The following MTSS1 variants were observed in gnomAD, a reference collection of about 807,000 sequenced individuals.
MTSS1 encodes the protein protein MTSS 1.
MTSS1 carries 18 observed loss-of-function variants against 79.0 expected under a neutral mutation model. That is an observed-to-expected ratio of 0.23 (90% confidence interval 0.16 to 0.34). The LOEUF is 0.34. Among genes scored for constraint, MTSS1 ranks in the 10% least tolerant of loss-of-function variants. The probability of loss-of-function intolerance (pLI) is 1.00; values close to 1 mark genes in which losing one functional copy is unlikely to be tolerated. For synonymous variants in MTSS1, 341 were observed against 368.6 expected (o/e 0.93, Z 0.86); for missense variants, 815 against 986.2 (o/e 0.83, Z 2.33).
At chr8:124,701,389 A>C (rs941649381) in intron 2 of MTSS1, among the ~76,000 whole-genome samples, 7 of 152,232 alleles carry the variant, frequency 4.6e-5, no homozygotes, top group Non-Finnish European at 1.5e-5. Flanking sequence ...CAAACTTCAA[A>C]ATGAGGCCTG....
At chr8:124,691,410 A>T (rs907050685) in intron 3 of MTSS1, among the ~76,000 whole-genome samples, 1 of 152,250 alleles carries the variant, frequency 6.6e-6, no homozygotes, top group Non-Finnish European at 1.5e-5. Flanking sequence ...ACTTTATGTA[A>T]GATTGAGATT....
At chr8:124,616,464 G>A (rs1389515216) in intron 3 of MTSS1, among the ~76,000 whole-genome samples, 2 of 151,632 alleles carry the variant, frequency 1.3e-5, no homozygotes. Context: ...CCCATGGCTA[G>A]ATTATGTGAC....
chr8:124,601,988 A>T lies in MTSS1; in HGVS notation c.209-10753T>A, dbSNP rs764495593. On this transcript the variant is annotated intron_variant, in intron 3 of 13. Transcript: ENST00000518547. ...TTCTAATAAGAGAAGAGGAAGCTCA[A>T]TTCTTAGGCCTGGAAAAGTTCAATC... Among the ~76,000 whole-genome samples, 3 of 151,994 alleles carry T rather than the reference A, an allele frequency of 2.0e-5. 1 individual carries two copies. Among genetic ancestry groups the T allele is most frequent in the Admixed American group, 2.0e-4 (3 of 15,262 alleles).
chr8:124,630,624 G>A (rs80090733), intron 3 of MTSS1, among the ~76,000 whole-genome samples: 6,602 of 152,238 alleles, frequency 0.043, 269 homozygotes, highest in East Asian at 0.16. Flanking sequence ...AGAAACATCC[G>A]GGTACCAGCC....
chr8:124,704,333 T>A (rs558909303), intron 1 of MTSS1, 142 bp from the exon 2 acceptor site: 1 of 736,586 alleles, frequency 1.4e-6, no homozygotes, highest in South Asian at 1.6e-5. Context: ...GTTTCCCGGA[T>A]TCTATATACA....
Position 124,728,015 on chromosome 8 carries a change from C to A in MTSS1, c.-60G>T, listed in dbSNP as rs931978665. On this transcript the variant is annotated 5_prime_UTR_variant, in exon 1 of 14. Coordinates refer to ENST00000518547, the MANE Select transcript of MTSS1 (RefSeq NM_014751.6). The surrounding 1 kb of genome is among the most constrained non-coding windows in gnomAD (Gnocchi z 6.1). ...GGGGCCGCTGGACTGCGCGCGGGGC[C>A]GGGGCTCGCTCACCCCAGAAGGAAT... The A allele has an allele frequency of 1.3e-6, 2 of 1,499,922 alleles. No homozygotes were observed. The highest frequency in any genetic ancestry group is 1.4e-5 in the African/African-American group (1 of 71,676). The allele number at this position is 1,499,922 out of a possible 1,614,324, so 92.9% of individuals were successfully genotyped here.
chr8:124,580,637 G>T lies in MTSS1; in HGVS notation c.460+4450C>A. 2.0e-6 allele frequency: 3 copies of T among 1,490,996 alleles called. No individual in the cohort carries two copies. The South Asian group carries it at 3.6e-5, about 18-fold the overall frequency. 92.4% of individuals were successfully genotyped at this position (1,490,996 alleles called of 1,614,324 possible). ...AAAAGGAAAATAATAAAGTCAAACT[G>T]GTATTCAAGCAGCAGCAGTCTTACC... On this transcript the variant is annotated intron_variant, in intron 6 of 13. Transcript: ENST00000518547.
chr8:124,684,170 A>AG (rs1414458648), intron 3 of MTSS1, among the ~76,000 whole-genome samples: 2 of 152,166 alleles, frequency 1.3e-5, no homozygotes, highest in African/African-American at 4.8e-5. Flanking sequence ...CTTATTTTTT[A>AG]GTGTCTGATA....
chr8:124,594,550 T>C (rs1832423520), intron 3 of MTSS1, among the ~76,000 whole-genome samples: 1 of 150,012 alleles, frequency 6.7e-6, no homozygotes, highest in Admixed American at 6.6e-5. Context: ...ACAAAAGAAA[T>C]AAAGGAAAGG....
At chr8:124,589,069 C>T (rs1460180885) in intron 5 of MTSS1, among the ~76,000 whole-genome samples, 2 of 151,626 alleles carry the variant, frequency 1.3e-5, no homozygotes, top group African/African-American at 2.4e-5. Flanking sequence ...CTCACTCTGT[C>T]GTCCAGGCTG....
intron 1 of MTSS1, among the ~76,000 whole-genome samples, chr8:124,717,582 T>C (rs1053982456): frequency 2.0e-5 from 3 of 148,216 alleles, no homozygotes; most frequent in African/African-American, 7.5e-5. Context: ...GGGGGACAGA[T>C]ACTCGGGAGG....
At chr8:124,719,921 T>C (rs1396328993) in intron 1 of MTSS1, among the ~76,000 whole-genome samples, 1 of 152,168 alleles carries the variant, frequency 6.6e-6, no homozygotes, top group Admixed American at 6.5e-5. Context: ...GGTAAGAAAA[T>C]CAAGGCTCAG....
rs1223990963 is a variant in MTSS1 at position 124,582,627 on chromosome 8, A to C, written c.460+2460T>G. Among the ~76,000 whole-genome samples the C allele has an allele frequency of 1.3e-5, 2 of 152,172 alleles. No homozygotes were observed. The highest frequency in any genetic ancestry group is 2.9e-5 in the Non-Finnish European group (2 of 68,006). ...TCAGATTCCGTCTATCAGGACAAAA[A>C]AAAAAATGTATCCAAAACCTTCATC... On this transcript the variant is annotated intron_variant, in intron 6 of 13. Coordinates refer to ENST00000518547, the MANE Select transcript of MTSS1 (RefSeq NM_014751.6). This position sits in a 1 kb window ranked among gnomAD's most constrained non-coding sequence, Gnocchi z 4.8.
At position 124,716,298 on chromosome 8, in the gene MTSS1, G is replaced by A. The variant is rs558105396; in HGVS notation, c.72+11586C>T. Among the ~76,000 whole-genome samples the A allele has an allele frequency of 6.6e-5, 10 of 152,268 alleles. No homozygotes were observed. In the East Asian group the frequency reaches 7.7e-4, roughly 12 times the overall value. ...GAAATGAAACAAAGAGGGAGGAAGC[G>A]TTCCCTGCAAAAGACAGAATTAGCA... On this transcript the variant is annotated intron_variant, in intron 1 of 13. Transcript: ENST00000518547.
chr8:124,564,683 T>TCA (rs1264284968), intron 9 of MTSS1: 5 of 56,454 alleles, frequency 8.9e-5, no homozygotes, highest in African/African-American at 9.7e-5. Context: ...AAAAGGTCTC[T>TCA]CTTTCACTCA....
chr8:124,660,070 G>C (rs571249182), intron 3 of MTSS1, among the ~76,000 whole-genome samples: 3 of 152,114 alleles, frequency 2.0e-5, no homozygotes, highest in Admixed American at 6.6e-5. Context: ...AAACATGGCA[G>C]GTAGGATGGC....
intron 3 of MTSS1, among the ~76,000 whole-genome samples, chr8:124,630,395 G>C (rs1169507022): frequency 6.6e-6 from 1 of 152,180 alleles, no homozygotes; most frequent in Non-Finnish European, 1.5e-5. Context: ...GGAACAGAGG[G>C]GAGGACCTGA....
chr8:124,645,456 C>T (rs1019352059), intron 3 of MTSS1, among the ~76,000 whole-genome samples: 1 of 152,134 alleles, frequency 6.6e-6, no homozygotes, highest in African/African-American at 2.4e-5. Flanking sequence ...TGTTGGGTGG[C>T]TAGTCCCATC....
chr8:124,615,037 G>C (rs13265974), intron 3 of MTSS1, among the ~76,000 whole-genome samples: 4,718 of 152,308 alleles, frequency 0.031, 107 homozygotes, highest in Non-Finnish European at 0.049. Flanking sequence ...CAGAAGGCGG[G>C]AAGATGCAGC....
Sources: gnomAD v4.1 joint callset for allele counts (sites outside exome capture counted in the v4.1 genomes callset) on GRCh38, gnomAD v4.1.1 for gene constraint, Gnocchi (gnomAD v3.1) non-coding constraint, MANE v1.5 for transcripts, NCBI Gene and HGNC (gene_info 2026-07-23, HGNC 2026-07-21) for gene names.